Variants in CLCA2 observed in about 807,000 individuals in gnomAD.
CLCA2 encodes calcium-activated chloride channel regulator 2.
A neutral mutation model predicts 82.9 loss-of-function variants in CLCA2; 85 were observed. That is an observed-to-expected ratio of 1.03 (90% CI 0.86 to 1.23). The LOEUF (loss-of-function observed/expected upper bound fraction) is 1.23, where lower values mean the gene tolerates loss of function less well. CLCA2 is among the 50% of genes most tolerant of loss of function. The pLI is 0.00. For synonymous variants in CLCA2, 421 were observed against 391.7 expected, an observed-to-expected ratio of 1.07 and a Z score of -0.88; for missense variants, 1,089 against 1,124.8, an observed-to-expected ratio of 0.97 and a Z score of 0.45.
intron 9 of CLCA2, 121 bp from the exon 10 acceptor site, chr1:86,443,666 A>C (rs1662784031): frequency 1.4e-6 from 1 of 728,670 alleles, no homozygotes; most frequent in Non-Finnish European, 2.2e-6. Flanking sequence ...GTATAACTAC[A>C]GTACCTGTCA....
In CLCA2 at chr1:86,455,785, AG is replaced by A. The variant is rs1570270731; in HGVS notation, c.*259del. 9.8e-6 allele frequency: 2 copies of A among 204,790 alleles called. No homozygotes were observed. The highest frequency in any genetic ancestry group is 1.9e-5 in the Non-Finnish European group (2 of 103,478). 12.7% of individuals were successfully genotyped at this position (204,790 alleles called of 1,614,324 possible). On this transcript the variant is annotated 3_prime_UTR_variant, in exon 14 of 14. Transcript: ENST00000370565. ...TCTTTAAAGGCAAAGGGAAGGGTAA[AG>A]TCGGACCAGTGTCAAGGAAAGTTTG...
Position 86,434,526 on chromosome 1 carries a change from ATTTT to A in CLCA2, c.754_757del (p.Phe252ValfsTer26). On this transcript the variant is annotated frameshift_variant, in exon 6 of 14. Transcript: ENST00000370565. LOFTEE classifies it high-confidence loss of function. ...ACTGTTTTTATTTCCAGGTGGTTGA[ATTTT>A]GTAATGCAAGTACCCACAACCAAGA... 1 of 1,613,748 alleles carries A rather than the reference ATTTT, an allele frequency of 6.2e-7. No individual in the cohort carries two copies. Among genetic ancestry groups the A allele is most frequent in the Non-Finnish European group, 8.5e-7 (1 of 1,179,848 alleles).
At chr1:86,443,705 T>C in intron 9 of CLCA2, 82 bp from the exon 10 acceptor site, 1 of 1,012,056 alleles carries the variant, frequency 9.9e-7, no homozygotes. Flanking sequence ...TTTTGCCAAT[T>C]AATTGTTGTT....
At chr1:86,454,064 C>G (rs1357685343) in intron 13 of CLCA2, among the ~76,000 whole-genome samples, 1 of 152,160 alleles carries the variant, frequency 6.6e-6, no homozygotes, top group Non-Finnish European at 1.5e-5. Context: ...TGGGACCAGT[C>G]CCCTGATTCA....
At chr1:86,441,652 G>A in intron 9 of CLCA2, 109 bp downstream of exon 9, 1 of 697,824 alleles carries the variant, frequency 1.4e-6, no homozygotes, top group Non-Finnish European at 2.5e-6. Flanking sequence ...ACTTGAATAT[G>A]TAACAGCTGT....
intron 7 of CLCA2, among the ~76,000 whole-genome samples, chr1:86,439,325 A>G (rs1412049660): frequency 6.6e-6 from 1 of 152,236 alleles, no homozygotes; most frequent in East Asian, 1.9e-4. Context: ...TAGTTGCTTA[A>G]TAAATACTTG....
intron 6 of CLCA2, among the ~76,000 whole-genome samples, chr1:86,436,777 G>A (rs11161824): frequency 0.092 from 13,955 of 151,946 alleles, 722 homozygotes; most frequent in Middle Eastern, 0.16. Context: ...ACAATGGCAC[G>A]ATCTCAGCTC....
chr1:86,451,415 G>A (rs1662965595), intron 12 of CLCA2, among the ~76,000 whole-genome samples: 1 of 152,066 alleles, frequency 6.6e-6, no homozygotes, highest in African/African-American at 2.4e-5. Flanking sequence ...TATTATTCAT[G>A]TATTTTAGAA....
rs199948615 is a variant in CLCA2 at position 86,444,879 on chromosome 1, TTTGTTGTTG to T, written c.1713+896_1713+904del. Among the ~76,000 whole-genome samples the T allele has an allele frequency of 2.5e-4, 37 of 148,132 alleles. No individual in the cohort carries two copies. In the East Asian group the frequency reaches 3.4e-3, roughly 14 times the overall value. Reference sequence around the variant, plus strand: ...CCTCACATGCTGCCCCACCCCCACTTTTGTTGTTGTTGTTGTTGTTGTTGTTGTTGTTGT... The same window carrying T: ...CCTCACATGCTGCCCCACCCCCACTTTTGTTGTTGTTGTTGTTGTTGTTGT... On this transcript the variant is annotated intron_variant, in intron 10 of 13. Coordinates refer to ENST00000370565, the MANE Select transcript of CLCA2 (RefSeq NM_006536.7).
chr1:86,438,859 TCC>T lies in CLCA2; in HGVS notation c.973-16_973-15del, dbSNP rs1251956811. Reference sequence around the variant, plus strand: ...AACCAAATGTTGCCATTTTCTTTTTTCCTTTTTGGGACATAGGCTGACAGACT... The same window carrying T: ...AACCAAATGTTGCCATTTTCTTTTTTTTTTTGGGACATAGGCTGACAGACT... On this transcript the variant is annotated splice_polypyrimidine_tract_variant and intron_variant, in intron 6 of 13. Coordinates refer to ENST00000370565, the MANE Select transcript of CLCA2 (RefSeq NM_006536.7). 6.2e-7 allele frequency: 1 copy of T among 1,609,954 alleles called. No homozygotes were observed.
At chr1:86,443,287 C>T (rs1344181042) in intron 9 of CLCA2, among the ~76,000 whole-genome samples, 1 of 152,158 alleles carries the variant, frequency 6.6e-6, no homozygotes, top group Non-Finnish European at 1.5e-5. Flanking sequence ...CCTTGGCCTC[C>T]CAAAGTGCTG....
intron 2 of CLCA2, among the ~76,000 whole-genome samples, chr1:86,426,108 C>A (rs1268423145): frequency 6.6e-6 from 1 of 151,922 alleles, no homozygotes; most frequent in Non-Finnish European, 1.5e-5. Flanking sequence ...GATTAAGCAC[C>A]CATGATGATG....
chr1:86,430,327 A>C (rs546838160), intron 3 of CLCA2, among the ~76,000 whole-genome samples: 69 of 152,300 alleles, frequency 4.5e-4, no homozygotes, highest in Middle Eastern at 6.8e-3. Flanking sequence ...CAGGCTGGGG[A>C]GAACATTCTG....
intron 10 of CLCA2, chr1:86,445,638 C>A (rs1336161431): frequency 6.6e-6 from 1 of 151,948 alleles, no homozygotes; most frequent in African/African-American, 2.4e-5. Context: ...ATGGTAGAAT[C>A]CTCTATCTTG....
rs767325885 is a variant in CLCA2, at chr1:86,443,977, G to A, written c.1679G>A (p.Arg560Gln). ...AATTTTATCACCAATCTAACTTTTC[G>A]GACAGCTAGTCTTTGGATTCCAGGA... ...TNNFITNLTF[R>Q]TASLWIPGTA... Residue 560 changes from arginine to glutamine, a missense_variant, in exon 10 of 14, where the codon CGG becomes CAG. Physicochemically the swap from Arg to Gln is conservative, Grantham distance 43. Coordinates refer to ENST00000370565, the MANE Select transcript of CLCA2 (RefSeq NM_006536.7). 1.1e-5 allele frequency: 17 copies of A among 1,612,992 alleles called. 1 individual carries two copies. Among genetic ancestry groups the A allele is most frequent in the African/African-American group, 5.3e-5 (4 of 74,864 alleles).
At chr1:86,443,613 A>T (rs1662782924) in intron 9 of CLCA2, among the ~76,000 whole-genome samples, 174 bp from the exon 10 acceptor site, 1 of 152,238 alleles carries the variant, frequency 6.6e-6, no homozygotes, top group Non-Finnish European at 1.5e-5. Flanking sequence ...CTTAAATAAC[A>T]TGCAATATTT....
rs1464824854 is a variant in CLCA2 at position 86,434,666 on chromosome 1, C to T, written c.893C>T (p.Pro298Leu). ...CCCATGAATGGGACTGAGCTTCCAC[C>T]TCCTCCCACATTCTCGCTTGTACAG... is the stretch of plus-strand genomic sequence containing the variant. ...SFPMNGTELP[P>L]PPTFSLVQAG... is the part of the protein sequence containing the mutation. Residue 298 changes from proline (P) to leucine (L), a missense_variant, in exon 6 of 14, where the codon CCT becomes CTT. Physicochemically the swap from Pro to Leu is moderately conservative, Grantham distance 98 (BLOSUM62 -3). Coordinates refer to ENST00000370565, the MANE Select transcript of CLCA2 (RefSeq NM_006536.7). 17 of 1,613,996 alleles carry T rather than the reference C, an allele frequency of 1.1e-5. No individual in the cohort carries two copies. The highest frequency in any genetic ancestry group is 2.7e-5 in the African/African-American group (2 of 74,910).
chr1:86,437,512 G>T (rs1662637673), intron 6 of CLCA2, among the ~76,000 whole-genome samples: 2 of 152,192 alleles, frequency 1.3e-5, no homozygotes, highest in Non-Finnish European at 2.9e-5. Flanking sequence ...GTTGGGTGAT[G>T]TAAGGAAAGA....
chr1:86,425,115 C>T (rs1662362295), intron 1 of CLCA2, among the ~76,000 whole-genome samples: 1 of 152,118 alleles, frequency 6.6e-6, no homozygotes, highest in African/African-American at 2.4e-5. Context: ...ACTATGAAGG[C>T]AAGCACAGAC....
Sources: gnomAD v4.1 joint callset for allele counts (sites outside exome capture counted in the v4.1 genomes callset) on GRCh38, gnomAD v4.1.1 for gene constraint, MANE v1.5 for transcripts, NCBI Gene and HGNC (gene_info 2026-07-23, HGNC 2026-07-21) for gene names.